The following AQP7B variants were observed in gnomAD, a reference collection of about 807,000 sequenced individuals.
AQP7B encodes the protein putative aquaporin-7B.
chr2:94,599,546 G>A, the AQP7B span, among the ~76,000 whole-genome samples: 19 of 151,928 alleles, frequency 1.3e-4, no homozygotes, highest in African/African-American at 4.6e-4. Flanking sequence ...CTTGCCACCA[G>A]ACCCATTAAC....
chr2:94,596,295 C>T, the AQP7B span, among the ~76,000 whole-genome samples: 5 of 152,208 alleles, frequency 3.3e-5, no homozygotes, highest in Admixed American at 6.5e-5. Context: ...TTCAGCCCTG[C>T]CACTTACCCC....
At chr2:94,599,780 G>A in the AQP7B span, among the ~76,000 whole-genome samples, 1 of 151,952 alleles carries the variant, frequency 6.6e-6, no homozygotes, top group African/African-American at 2.4e-5. Flanking sequence ...CCTTCACCCT[G>A]TCAGCCCCTT....
the AQP7B span, among the ~76,000 whole-genome samples, chr2:94,599,443 A>G: frequency 6.7e-6 from 1 of 148,662 alleles, no homozygotes; most frequent in South Asian, 2.1e-4. Flanking sequence ...CTGTACTCTG[A>G]CTTTTTTTTT....
chr2:94,597,620 TTTTTTG>T, the AQP7B span, among the ~76,000 whole-genome samples: 1 of 151,354 alleles, frequency 6.6e-6, no homozygotes, highest in African/African-American at 2.4e-5. Flanking sequence ...TTGTTTTTTT[TTTTTTG>T]TTTTTTTTTT....
the AQP7B span, chr2:94,603,384 G>T: frequency 1.2e-6 from 2 of 1,603,906 alleles, no homozygotes; most frequent in Non-Finnish European, 1.7e-6. Context: ...TCTCCGCAGC[G>T]GCCATTCTCC....
chr2:94,594,490 A>C, the AQP7B span, among the ~76,000 whole-genome samples: 1 of 152,134 alleles, frequency 6.6e-6, no homozygotes, highest in Non-Finnish European at 1.5e-5. Flanking sequence ...AAGTGGCCTC[A>C]TTGGTGTGCC....
the AQP7B span, among the ~76,000 whole-genome samples, chr2:94,593,077 C>G: frequency 1.3e-5 from 2 of 152,066 alleles, no homozygotes; most frequent in South Asian, 4.2e-4. Context: ...ATCAGCTCGC[C>G]TCGGCAAGTG....
the AQP7B span, chr2:94,603,785 G>T: frequency 6.5e-6 from 10 of 1,533,966 alleles, no homozygotes; most frequent in Middle Eastern, 1.4e-3. Context: ...GCACTGCCAG[G>T]AACACACGCG....
the AQP7B span, among the ~76,000 whole-genome samples, chr2:94,600,453 C>G: frequency 6.6e-6 from 1 of 152,120 alleles, no homozygotes; most frequent in African/African-American, 2.4e-5. Flanking sequence ...ATATTCTGGC[C>G]AGGCATGGTG....
the AQP7B span, among the ~76,000 whole-genome samples, chr2:94,599,040 GA>G: frequency 0.015 from 2,343 of 152,318 alleles, 31 homozygotes; most frequent in Non-Finnish European, 0.023. Flanking sequence ...CTGACCTCAT[GA>G]TTGGCCTGCC....
At chr2:94,588,323 A>G in the AQP7B span, among the ~76,000 whole-genome samples, 438 of 151,858 alleles carry the variant, frequency 2.9e-3, 2 homozygotes, top group African/African-American at 9.9e-3. Flanking sequence ...GGGCTCCAGG[A>G]CGTCACCTCA....
At chr2:94,598,759 G>A in the AQP7B span, among the ~76,000 whole-genome samples, 1 of 152,196 alleles carries the variant, frequency 6.6e-6, no homozygotes, top group Non-Finnish European at 1.5e-5. Flanking sequence ...TGGCAGCCCT[G>A]ACACAGGGAA....
At chr2:94,603,868 T>A in the AQP7B span, 3 of 1,401,506 alleles carry the variant, frequency 2.1e-6, no homozygotes, top group Non-Finnish European at 3.0e-6. Context: ...CATCAATCCA[T>A]CCCGGGACCC....
chr2:94,600,348 A>T, the AQP7B span, among the ~76,000 whole-genome samples: 10 of 152,206 alleles, frequency 6.6e-5, no homozygotes, highest in African/African-American at 2.4e-4. Flanking sequence ...TATCCACATT[A>T]AAAAGGTAAA....
the AQP7B span, among the ~76,000 whole-genome samples, chr2:94,598,796 G>A: frequency 6.6e-6 from 1 of 152,148 alleles, no homozygotes; most frequent in Non-Finnish European, 1.5e-5. Flanking sequence ...CACTCACCCA[G>A]TATTTTATTT....
the AQP7B span, among the ~76,000 whole-genome samples, chr2:94,593,892 A>T: frequency 6.6e-6 from 1 of 152,014 alleles, no homozygotes; most frequent in Non-Finnish European, 1.5e-5. Context: ...CACCTGTTTC[A>T]TCTACCTTTC....
chr2:94,602,903 G>T, the AQP7B span: 8 of 1,109,956 alleles, frequency 7.2e-6, no homozygotes, highest in Non-Finnish European at 8.9e-6. Context: ...TCACGGGGTG[G>T]TTGTGAGGGC....
At chr2:94,600,418 A>G in the AQP7B span, among the ~76,000 whole-genome samples, 4 of 152,190 alleles carry the variant, frequency 2.6e-5, no homozygotes, top group East Asian at 5.8e-4. Flanking sequence ...CTATTTCAAG[A>G]TGCAGTCAAT....
the AQP7B span, chr2:94,603,229 T>A: frequency 1.8e-5 from 25 of 1,415,084 alleles, 1 homozygote. Context: ...CTATGAAATA[T>A]GGGCAGATTG....
Sources: allele counts gnomAD v4.1 joint callset (sites outside exome capture counted in the v4.1 genomes callset), GRCh38; gene constraint gnomAD v4.1.1; transcripts MANE v1.5; gene names NCBI Gene and HGNC (gene_info 2026-07-23, HGNC 2026-07-21).